Variants in PDCD2L observed in about 807,000 individuals in gnomAD.
PDCD2L encodes programmed cell death 2 like, also known as uS5 assembly chaperone PDCD2L.
PDCD2L carries 44 observed loss-of-function variants against 40.4 expected under a neutral mutation model. That is an observed-to-expected ratio of 1.09 (90% CI 0.86 to 1.40). The LOEUF (loss-of-function observed/expected upper bound fraction) is 1.40. Ranked by LOEUF, PDCD2L falls within the 40% of genes most tolerant of loss-of-function variation. PDCD2L has a pLI of 0.00. For synonymous variants in PDCD2L, 194 were observed against 174.6 expected, an observed-to-expected ratio of 1.11 and a Z score of -0.88; for missense variants, 470 against 453.7, an observed-to-expected ratio of 1.04 and a Z score of -0.33.
At chr19:34,424,459 A>G (rs2075166728) in intron 6 of PDCD2L, among the ~76,000 whole-genome samples, 1 of 152,168 alleles carries the variant, frequency 6.6e-6, no homozygotes, top group Non-Finnish European at 1.5e-5. Flanking sequence ...GAACGAAAGG[A>G]AGTAAATATA....
chr19:34,408,563 C>T (rs2075087586), intron 3 of PDCD2L, among the ~76,000 whole-genome samples: 2 of 152,268 alleles, frequency 1.3e-5, no homozygotes, highest in South Asian at 2.1e-4. Flanking sequence ...GGAGGAGGCT[C>T]CAGGAATGCC....
intron 5 of PDCD2L, among the ~76,000 whole-genome samples, chr19:34,418,074 G>T (rs1032695687): frequency 2.6e-5 from 4 of 152,184 alleles, no homozygotes; most frequent in South Asian, 2.1e-4. Context: ...TTTGACATCT[G>T]TGTATCTTCT....
intron 5 of PDCD2L, among the ~76,000 whole-genome samples, chr19:34,419,078 C>T (rs1054903448): frequency 6.6e-6 from 1 of 152,150 alleles, no homozygotes; most frequent in East Asian, 1.9e-4. Context: ...TCAAGTTCAA[C>T]TTAACAGTTA....
chr19:34,421,519 G>T lies in PDCD2L; in HGVS notation c.798G>T (p.Arg266Ser). 6.2e-7 allele frequency: 1 copy of T among 1,613,804 alleles called. No individual in the cohort carries two copies. Among genetic ancestry groups the T allele is most frequent in the Non-Finnish European group, 8.5e-7 (1 of 1,179,974 alleles). The part of the protein sequence containing the change: ...RIAACQEQIL[R>S]YSWSGEPLFL... Reference sequence around the variant, plus strand: ...GGGGTTCTTTGTTTCCTTGTCCTAGGTATTCCTGGAGTGGAGAGCCACTCT... The same window carrying T: ...GGGGTTCTTTGTTTCCTTGTCCTAGTTATTCCTGGAGTGGAGAGCCACTCT... Residue 266 changes from arginine to serine, a missense_variant and splice_region_variant, in exon 6 of 7, where the codon AGG becomes AGT. Arg to Ser is a moderately radical substitution (Grantham distance 110). Transcript: ENST00000246535.
At chr19:34,404,589 G>T (rs777527165) in intron 1 of PDCD2L, 51 bp downstream of exon 1, 2 of 1,588,252 alleles carry the variant, frequency 1.3e-6, no homozygotes, top group East Asian at 4.6e-5. Context: ...GAAGGGTGCG[G>T]AGGGAGTGGG....
rs778639390 is a variant in PDCD2L at position 34,409,371 on chromosome 19, C to T, written c.547C>T (p.Pro183Ser). 1 of 1,613,872 alleles carries T rather than the reference C, an allele frequency of 6.2e-7. No individual in the cohort carries two copies. The highest frequency in any genetic ancestry group is 8.5e-7 in the Non-Finnish European group (1 of 1,179,958). Residue 183 changes from proline (P) to serine (S), a missense_variant, in exon 4 of 7, where the codon CCG (proline) becomes TCG (serine). By Grantham distance (74) the Pro-to-Ser change is moderately conservative. Transcript: ENST00000246535. ...TGCCCATCCTGTGCCTCCTGGGCTG[C>T]CGCTCTTCCTGCCCTACTACATCTG... Reference protein sequence around the residue: ...GAAHPVPPGLPLFLPYYICVA... With the variant: ...GAAHPVPPGLSLFLPYYICVA...
chr19:34,409,417 A>C lies in PDCD2L; in HGVS notation c.593A>C (p.Tyr198Ser). 1 of 1,614,168 alleles carries C rather than the reference A, an allele frequency of 6.2e-7. No individual in the cohort carries two copies. The highest frequency in any genetic ancestry group is 8.5e-7 in the Non-Finnish European group (1 of 1,180,034). The stretch of plus-strand genomic sequence containing the variant: ...ATCTGTGTTGCAGATGAGGATGATT[A>C]CAGGGACTTTGTCAACCTGGATCAT... ...YYICVADEDD[Y>S]RDFVNLDHAH... Residue 198 changes from tyrosine to serine, a missense_variant, in exon 4 of 7, where the codon TAC becomes TCC. Transcript: ENST00000246535.
chr19:34,417,980 A>AGGT (rs886977944), intron 5 of PDCD2L, among the ~76,000 whole-genome samples: 8 of 152,284 alleles, frequency 5.3e-5, no homozygotes, highest in South Asian at 2.1e-4. Context: ...CCATTCTAGT[A>AGGT]GGTGGTGGTG....
chr19:34,423,477 C>G (rs945987272), intron 6 of PDCD2L, among the ~76,000 whole-genome samples: 9 of 151,092 alleles, frequency 6.0e-5, no homozygotes, highest in African/African-American at 2.2e-4. Flanking sequence ...AGCCACCGTG[C>G]CTGGACCCAG....
chr19:34,414,474 C>CTT lies in PDCD2L; in HGVS notation c.797+654_797+655dup, dbSNP rs35413401. ...TACAAGTGTGAGCCACCATGCCTGG[C>CTT]TTTTTTTTTTTTTTTTTTTTTTTTT... On this transcript the variant is annotated intron_variant, in intron 5 of 6. Coordinates refer to ENST00000246535, the MANE Select transcript of PDCD2L (RefSeq NM_032346.2). Among the ~76,000 whole-genome samples, 71 of 39,804 alleles carry CTT rather than the reference C, an allele frequency of 1.8e-3. 2 individuals are homozygous for CTT. Among genetic ancestry groups the CTT allele is most frequent in the African/African-American group, 3.5e-3 (36 of 10,318 alleles). The allele number at this position is 39,804 out of a possible 152,430, so 26.1% of individuals were successfully genotyped here.
At position 34,409,511 on chromosome 19, in the gene PDCD2L, GTGAGGATGTGTGCTGC is replaced by G; in HGVS notation, c.686+7_686+22del. On this transcript the variant is annotated splice_donor_variant and splice_donor_5th_base_variant and intron_variant, in intron 4 of 6. Coordinates refer to ENST00000246535, the MANE Select transcript of PDCD2L (RefSeq NM_032346.2). LOFTEE classifies it high-confidence loss of function. ...CCATGGATCAGTTGCTTTCCCAAAGGTGAGGATGTGTGCTGCTGAGGTTGAGAGGTGACTGGATTGG... is the reference window on the plus strand; with the variant it reads ...CCATGGATCAGTTGCTTTCCCAAAGGTGAGGTTGAGAGGTGACTGGATTGG... The G allele has an allele frequency of 6.2e-7, 1 of 1,611,650 alleles. No individual in the cohort carries two copies. Among genetic ancestry groups the G allele is most frequent in the Non-Finnish European group, 8.5e-7 (1 of 1,178,444 alleles).
intron 6 of PDCD2L, among the ~76,000 whole-genome samples, chr19:34,422,729 T>C (rs1780244396): frequency 6.6e-6 from 1 of 152,036 alleles, no homozygotes; most frequent in South Asian, 2.1e-4. Flanking sequence ...TCCTTCTTTT[T>C]TCTTGAGACG....
intron 6 of PDCD2L, among the ~76,000 whole-genome samples, chr19:34,423,559 A>G (rs907004358): frequency 3.9e-5 from 5 of 128,410 alleles, no homozygotes; most frequent in South Asian, 2.4e-4. Context: ...CAGTGGCACT[A>G]TCTCGGCTCA....
intron 6 of PDCD2L, chr19:34,422,186 C>T (rs913038516): frequency 4.8e-5 from 7 of 145,342 alleles, no homozygotes; most frequent in East Asian, 2.1e-4. Flanking sequence ...CTCTCTCTGT[C>T]GCCCAGGCTG....
chr19:34,404,941 TC>T lies in PDCD2L; in HGVS notation c.289del (p.Arg97AlafsTer60), dbSNP rs761331362. Reference sequence around the variant, plus strand: ...TCTTCACCCCGAAGCTGGAAGGTGTTCCGCTCCCAGTGCCTGCAGGTGCCAG... The same window carrying T: ...TCTTCACCCCGAAGCTGGAAGGTGTTCGCTCCCAGTGCCTGCAGGTGCCAG... ...STGGARSWKV[F>X]RSQCLQVPER... is the part of the protein sequence containing the mutation. On this transcript the variant is annotated frameshift_variant, in exon 3 of 7. Transcript: ENST00000246535. LOFTEE classifies it high-confidence loss of function. 21 of 1,613,996 alleles carry T rather than the reference TC, an allele frequency of 1.3e-5. No homozygotes were observed. Among genetic ancestry groups the T allele is most frequent in the Admixed American group, 1.0e-4 (6 of 60,004 alleles).
At position 34,409,385 on chromosome 19, in the gene PDCD2L, C is replaced by G; in HGVS notation, c.561C>G (p.Pro187=). ...CTCCTGGGCTGCCGCTCTTCCTGCC[C>G]TACTACATCTGTGTTGCAGATGAGG... is the stretch of plus-strand genomic sequence containing the variant. ...PVPPGLPLFL[P]YYICVADEDD... is the part of the protein sequence containing the mutation. Residue 187 remains proline, a synonymous_variant, in exon 4 of 7, where the codon CCC becomes CCG. Transcript: ENST00000246535. The G allele has an allele frequency of 3.7e-6, 6 of 1,614,196 alleles. No homozygotes were observed. The highest frequency in any genetic ancestry group is 5.1e-6 in the Non-Finnish European group (6 of 1,180,040).
intron 4 of PDCD2L, among the ~76,000 whole-genome samples, chr19:34,412,055 C>G (rs1025315406): frequency 1.0e-4 from 15 of 149,728 alleles, no homozygotes; most frequent in South Asian, 2.1e-4. Context: ...GAATCTCGCT[C>G]TGTTGCCAGG....
Position 34,413,849 on chromosome 19 carries a change from T to TA in PDCD2L, c.797+9dup, listed in dbSNP as rs770316566. 44 of 1,529,310 alleles carry TA rather than the reference T, an allele frequency of 2.9e-5. No homozygotes were observed. In the East Asian group the frequency reaches 4.1e-4, roughly 14 times the overall value. The allele number at this position is 1,529,310 out of a possible 1,614,324, so 94.7% of individuals were successfully genotyped here. A position where few individuals can be genotyped will look rare whatever the true frequency, so the allele number is the denominator to read the frequency against. On this transcript the variant is annotated splice_region_variant and intron_variant, in intron 5 of 6. Transcript: ENST00000246535. ...TGCTTGTCAGGAGCAGATTTTGAGG[T>TA]AAAAAAAGGCACAGTTCCTTTTATT...
intron 3 of PDCD2L, among the ~76,000 whole-genome samples, chr19:34,408,150 C>T (rs1029286767): frequency 3.9e-5 from 6 of 152,094 alleles, no homozygotes; most frequent in African/African-American, 7.2e-5. Context: ...TCAAACAGTC[C>T]GCCCACCTCA....
Sources: gnomAD v4.1 joint callset for allele counts (sites outside exome capture counted in the v4.1 genomes callset) on GRCh38, gnomAD v4.1.1 for gene constraint, MANE v1.5 for transcripts, NCBI Gene and HGNC (gene_info 2026-07-23, HGNC 2026-07-21) for gene names.